SOS2: variants seen among roughly 807,000 people sequenced by gnomAD.
SOS2 encodes son of sevenless homolog 2.
Under a neutral mutation model 148.2 loss-of-function variants are expected in SOS2, and 65 were observed. That is an observed-to-expected ratio of 0.44 (90% CI 0.36 to 0.54). The LOEUF (loss-of-function observed/expected upper bound fraction) is 0.54, where lower values mean the gene tolerates loss of function less well. Ranked by LOEUF, SOS2 falls within the 20% of genes least tolerant of loss-of-function variation. SOS2 has a pLI of 0.00. For missense variants in SOS2, 1,341 were observed against 1,590.2 expected (o/e 0.84, Z 2.67); for synonymous variants, 539 against 537.1 (o/e 1.00, Z -0.05).
chr14:50,195,855 C>T (rs1886293916), intron 4 of SOS2, among the ~76,000 whole-genome samples: 1 of 152,004 alleles, frequency 6.6e-6, no homozygotes, highest in African/African-American at 2.4e-5. Flanking sequence ...ATAGTGAAAC[C>T]CCGTCTACTA....
Position 50,118,500 on chromosome 14 carries a change from C to T in SOS2, c.3843G>A (p.Gln1281=). Residue 1281 remains glutamine, a synonymous_variant, in exon 23 of 23, where the codon CAG becomes CAA. Transcript: ENST00000216373. ...PRRCYVLSSS[Q]NNLAHPPAPP... is the part of the protein sequence containing the mutation. ...GAGCTGGAGGATGAGCAAGATTATT[C>T]TGACTAGAACTGAGCACATAGCATC... 2 of 1,614,144 alleles carry T rather than the reference C, an allele frequency of 1.2e-6. No homozygotes were observed. The highest frequency in any genetic ancestry group is 1.7e-6 in the Non-Finnish European group (2 of 1,180,028).
intron 4 of SOS2, among the ~76,000 whole-genome samples, chr14:50,196,471 C>T (rs1396662726): frequency 1.3e-5 from 2 of 151,980 alleles, no homozygotes; most frequent in Admixed American, 6.6e-5. Context: ...AACAAATTAT[C>T]GTTGACTGTA....
At chr14:50,145,451 G>A (rs1356765411) in intron 15 of SOS2, 26 bp downstream of exon 15, 3 of 1,587,360 alleles carry the variant, frequency 1.9e-6, no homozygotes, top group East Asian at 2.2e-5. Context: ...GCTATTAGGA[G>A]GTAGTAAGAG....
Position 50,180,941 on chromosome 14 carries a change from G to A in SOS2, c.859-259C>T, listed in dbSNP as rs17715073. Among the ~76,000 whole-genome samples the A allele has an allele frequency of 0.3, 46,008 of 151,566 alleles. 7,217 individuals carry two copies. Among genetic ancestry groups the A allele is most frequent in the Admixed American group, 0.41 (6,250 of 15,200 alleles). On this transcript the variant is annotated intron_variant, in intron 6 of 22. Transcript: ENST00000216373. ...AAATTAATGGGATATCTGCAGAACC[G>A]ATATGAAAACAAAACAAATTTTGAA...
intron 1 of SOS2, among the ~76,000 whole-genome samples, chr14:50,211,136 G>T (rs1460790143): frequency 1.3e-5 from 2 of 152,060 alleles, no homozygotes; most frequent in Non-Finnish European, 2.9e-5. Flanking sequence ...CACCTGAAAT[G>T]TAGCTCCACT....
chr14:50,120,375 A>C lies in SOS2; in HGVS notation c.3389T>G (p.Phe1130Cys). Reference sequence around the variant, plus strand: ...TTTATGTAAACTACCACATGAACTAAAGAAAGACTCTGGGGGAGAAAAAGA... The same window carrying C: ...TTTATGTAAACTACCACATGAACTACAGAAAGACTCTGGGGGAGAAAAAGA... ...PVLLPHSKSF[F>C]SSCGSLHKLS... Residue 1130 changes from phenylalanine (F) to cysteine (C), a missense_variant, in exon 22 of 23, where the codon TTT becomes TGT. Phe to Cys is a radical substitution (Grantham distance 205). Transcript: ENST00000216373. 1 of 1,529,938 alleles carries C rather than the reference A, an allele frequency of 6.5e-7. No homozygotes were observed. The highest frequency in any genetic ancestry group is 9.0e-7 in the Non-Finnish European group (1 of 1,106,786). 94.8% of individuals were successfully genotyped at this position (1,529,938 alleles called of 1,614,324 possible).
chr14:50,118,371 C>G lies in SOS2; in HGVS notation c.3972G>C (p.Leu1324Phe). The change falls in exon 23 of 23, where the codon TTG becomes TTC. Residue 1324 changes from leucine to phenylalanine, a missense_variant. Leu to Phe is a conservative substitution (Grantham distance 22). Transcript: ENST00000216373. ...ATTGGGGAGTTTCTGCATTTTCTAG[C>G]AAAGGCAGTCTGTACAATGGGGGGT... Reference protein sequence around the residue: ...LSHPPLYRLPLLENAETPQ With the variant: ...LSHPPLYRLPFLENAETPQ The G allele has an allele frequency of 6.2e-7, 1 of 1,613,766 alleles. No individual in the cohort carries two copies. The highest frequency in any genetic ancestry group is 8.5e-7 in the Non-Finnish European group (1 of 1,179,868).
chr14:50,224,000 A>C (rs1566487638), intron 1 of SOS2, among the ~76,000 whole-genome samples: 2 of 151,914 alleles, frequency 1.3e-5, no homozygotes, highest in Non-Finnish European at 2.9e-5. Context: ...GAAGTCTAAA[A>C]ATTGGCCAGG....
Position 50,126,903 on chromosome 14 carries a change from G to A in SOS2, c.3379+3058C>T, listed in dbSNP as rs1377775439. Among the ~76,000 whole-genome samples the A allele has an allele frequency of 2.0e-4, 9 of 44,864 alleles. No individual in the cohort carries two copies. The East Asian group carries it at 3.9e-3, about 19-fold the overall frequency. 29.4% of individuals were successfully genotyped at this position (44,864 alleles called of 152,430 possible). On this transcript the variant is annotated intron_variant, in intron 21 of 22. Coordinates refer to ENST00000216373, the MANE Select transcript of SOS2 (RefSeq NM_006939.4). ...AATTTAAAGGGCTCATTAAGTAGATGACAAAATGAAAAAAAAAAATACCCA... is the reference window on the plus strand; with the variant it reads ...AATTTAAAGGGCTCATTAAGTAGATAACAAAATGAAAAAAAAAAATACCCA...
intron 13 of SOS2, 60 bp downstream of exon 13, chr14:50,153,010 C>T (rs937090976): frequency 1.0e-5 from 8 of 783,896 alleles, no homozygotes; most frequent in African/African-American, 8.9e-5. Context: ...TAAAGTCACA[C>T]AAATTTGAAC....
At chr14:50,158,702 C>T (rs1164348113) in intron 10 of SOS2, 56 bp from the exon 11 acceptor site, 1 of 1,112,368 alleles carries the variant, frequency 9.0e-7, no homozygotes, top group Non-Finnish European at 1.3e-6. Flanking sequence ...GTTTAATTAA[C>T]TCAAAGTACC....
At chr14:50,134,461 G>C (rs919390746) in intron 18 of SOS2, among the ~76,000 whole-genome samples, 1 of 152,066 alleles carries the variant, frequency 6.6e-6, no homozygotes, top group African/African-American at 2.4e-5. Context: ...TTATATTCTA[G>C]TCTTAAAGTT....
intron 1 of SOS2, among the ~76,000 whole-genome samples, chr14:50,210,084 C>T (rs1324412270): frequency 6.6e-6 from 1 of 152,104 alleles, no homozygotes; most frequent in Non-Finnish European, 1.5e-5. Flanking sequence ...TTTAAAATTA[C>T]TAACAACAAA....
chr14:50,205,506 A>G (rs1886631150), intron 1 of SOS2, among the ~76,000 whole-genome samples: 1 of 152,222 alleles, frequency 6.6e-6, no homozygotes, highest in African/African-American at 2.4e-5. Context: ...TGAAGTCTCA[A>G]AATTTACCAT....
At chr14:50,145,946 C>T (rs1024052493) in intron 14 of SOS2, among the ~76,000 whole-genome samples, 1 of 151,804 alleles carries the variant, frequency 6.6e-6, no homozygotes, top group African/African-American at 2.4e-5. Context: ...ACCAGCCTGA[C>T]CATCATGGAA....
intron 1 of SOS2, among the ~76,000 whole-genome samples, chr14:50,217,658 A>T (rs1365723232): frequency 1.3e-5 from 2 of 152,212 alleles, no homozygotes; most frequent in African/African-American, 4.8e-5. Flanking sequence ...ACAAATTGAT[A>T]AAAATTTAAA....
intron 4 of SOS2, among the ~76,000 whole-genome samples, chr14:50,196,829 A>C (rs964541469): frequency 1.3e-5 from 2 of 152,084 alleles, no homozygotes; most frequent in Admixed American, 1.3e-4. Flanking sequence ...GGAACAGAAA[A>C]ACCAAGCTAG....
chr14:50,221,094 T>C (rs1566486479), intron 1 of SOS2, among the ~76,000 whole-genome samples: 1 of 152,150 alleles, frequency 6.6e-6, no homozygotes, highest in Non-Finnish European at 1.5e-5. Flanking sequence ...AACCAAAAAG[T>C]ATTAAAAGCC....
chr14:50,136,511 G>C (rs1345359845), intron 18 of SOS2, among the ~76,000 whole-genome samples: 1 of 152,102 alleles, frequency 6.6e-6, no homozygotes, highest in Admixed American at 6.5e-5. Context: ...ACATCACAGA[G>C]GGCGGGTTCA....
Sources: allele counts gnomAD v4.1 joint callset (sites outside exome capture counted in the v4.1 genomes callset), GRCh38; gene constraint gnomAD v4.1.1; transcripts MANE v1.5; gene names NCBI Gene and HGNC (gene_info 2026-07-23, HGNC 2026-07-21).